The following PTPRG variants were observed in gnomAD, a reference collection of about 807,000 sequenced individuals.
The protein encoded by PTPRG is protein tyrosine phosphatase receptor type G.
Under a neutral mutation model 165.3 loss-of-function variants are expected in PTPRG, and 102 were observed. The ratio of observed to expected loss-of-function variants is 0.62; its 90% CI spans 0.53 to 0.73. The LOEUF (loss-of-function observed/expected upper bound fraction) is 0.73. Among genes scored for constraint, PTPRG ranks in the 30% least tolerant of loss-of-function variants. The pLI is 0.00. For synonymous variants in PTPRG, 675 were observed against 669.5 expected, an observed-to-expected ratio of 1.01 and a Z score of -0.13; for missense variants, 1,866 against 1,861.4, an observed-to-expected ratio of 1.00 and a Z score of -0.05.
chr3:61,636,670 C>G (rs58814661), intron 1 of PTPRG, among the ~76,000 whole-genome samples: 1,621 of 152,326 alleles, frequency 0.011, 26 homozygotes, highest in African/African-American at 0.037. Context: ...AAAGTCCACT[C>G]TATGGATATA....
intron 5 of PTPRG, among the ~76,000 whole-genome samples, chr3:62,114,430 C>T (rs1374847063): frequency 6.6e-6 from 1 of 152,046 alleles, no homozygotes; most frequent in East Asian, 1.9e-4. Flanking sequence ...TGACCATATT[C>T]TCATTAACAC....
At chr3:61,741,400 G>A (rs2032978320) in intron 1 of PTPRG, among the ~76,000 whole-genome samples, 1 of 152,130 alleles carries the variant, frequency 6.6e-6, no homozygotes, top group Non-Finnish European at 1.5e-5. Context: ...ATCACCCTAA[G>A]TAGTTTTCAT....
intron 5 of PTPRG, among the ~76,000 whole-genome samples, chr3:62,105,710 G>A (rs568862397): frequency 2.0e-5 from 3 of 152,280 alleles, no homozygotes; most frequent in African/African-American, 7.2e-5. Flanking sequence ...TTCAGTCTGG[G>A]CAGTTGAGGT....
intron 4 of PTPRG, among the ~76,000 whole-genome samples, chr3:62,049,432 T>G (rs1311311764): frequency 2.6e-5 from 4 of 152,244 alleles, no homozygotes; most frequent in Non-Finnish European, 4.4e-5. Flanking sequence ...CTTTCCCATT[T>G]GAAATATTTC....
rs539187421 is a variant in PTPRG at position 62,182,277 on chromosome 3, A to G, written c.1034-9192A>G. ...CCTGTGTTGTTCAAGGGTCACCTGT[A>G]TTGGTAATCACTGTAATCTAACAGG... is the stretch of plus-strand genomic sequence containing the variant. On this transcript the variant is annotated intron_variant, in intron 8 of 29. Transcript: ENST00000474889. Among the ~76,000 whole-genome samples, 5 of 152,302 alleles carry G rather than the reference A, an allele frequency of 3.3e-5. No homozygotes were observed. In the East Asian group the frequency reaches 7.7e-4, roughly 23 times the overall value.
At chr3:61,831,069 T>A (rs987750560) in intron 2 of PTPRG, among the ~76,000 whole-genome samples, 2 of 152,244 alleles carry the variant, frequency 1.3e-5, no homozygotes, top group African/African-American at 4.8e-5. Flanking sequence ...TTGAGGAATA[T>A]CGGGTCAGTG....
intron 14 of PTPRG, among the ~76,000 whole-genome samples, chr3:62,232,095 C>A (rs985116398): frequency 6.6e-6 from 1 of 152,018 alleles, no homozygotes; most frequent in African/African-American, 2.4e-5. Context: ...TTTCAATGAA[C>A]CAATTTATAG....
intron 6 of PTPRG, among the ~76,000 whole-genome samples, chr3:62,153,931 A>G (rs1345000811): frequency 6.6e-6 from 1 of 152,176 alleles, no homozygotes; most frequent in African/African-American, 2.4e-5. Flanking sequence ...GCCCTGAATG[A>G]TGTTTTCTGC....
At chr3:61,991,153 CTA>C (rs1194189170) in intron 3 of PTPRG, among the ~76,000 whole-genome samples, 2 of 152,138 alleles carry the variant, frequency 1.3e-5, no homozygotes, top group Non-Finnish European at 2.9e-5. Flanking sequence ...CTTGATTCAT[CTA>C]TATGAGTAGC....
At chr3:61,989,077 G>T (rs1559731430) in intron 2 of PTPRG, among the ~76,000 whole-genome samples, 1 of 152,074 alleles carries the variant, frequency 6.6e-6, no homozygotes, top group Non-Finnish European at 1.5e-5. Context: ...GTACAAATGA[G>T]GGCCAAACTG....
chr3:62,012,769 C>G (rs2041458960), intron 4 of PTPRG, among the ~76,000 whole-genome samples: 1 of 152,082 alleles, frequency 6.6e-6, no homozygotes, highest in African/African-American at 2.4e-5. Flanking sequence ...ATTTGGGATG[C>G]TCAATCTGTA....
chr3:62,120,983 C>T lies in PTPRG; in HGVS notation c.616-11619C>T, dbSNP rs1050875778. 4.6e-5 allele frequency among the ~76,000 whole-genome samples: 7 copies of T among 151,816 alleles called. No individual in the cohort carries two copies. The South Asian group carries it at 1.3e-3, about 27-fold the overall frequency. Reference sequence around the variant, plus strand: ...TTTTTCACAAGACAGCCAGCTCTGTCGCCCAGGCTGGAGTGCAGTGGCCCT... The same window carrying T: ...TTTTTCACAAGACAGCCAGCTCTGTTGCCCAGGCTGGAGTGCAGTGGCCCT... On this transcript the variant is annotated intron_variant, in intron 5 of 29. Coordinates refer to ENST00000474889, the MANE Select transcript of PTPRG (RefSeq NM_002841.4).
chr3:62,180,262 T>A (rs1285662057), intron 8 of PTPRG, among the ~76,000 whole-genome samples: 1 of 152,224 alleles, frequency 6.6e-6, no homozygotes, highest in Non-Finnish European at 1.5e-5. Context: ...GGTGTTTGGA[T>A]ACCAGTCTTG....
intron 5 of PTPRG, among the ~76,000 whole-genome samples, chr3:62,093,511 C>A (rs1702012466): frequency 6.6e-6 from 1 of 152,190 alleles, no homozygotes; most frequent in South Asian, 2.1e-4. Context: ...TTTGTCCCAC[C>A]TCATTGGCAC....
At chr3:61,825,675 C>T (rs59191479) in intron 2 of PTPRG, among the ~76,000 whole-genome samples, 5,903 of 151,394 alleles carry the variant, frequency 0.039, 378 homozygotes, top group African/African-American at 0.13. Context: ...GACAGGTTCT[C>T]GCTGTGTCAC....
intron 4 of PTPRG, among the ~76,000 whole-genome samples, chr3:62,035,096 A>C (rs2107790584): frequency 6.6e-6 from 1 of 151,966 alleles, no homozygotes; most frequent in South Asian, 2.1e-4. Flanking sequence ...GAATGGCAAA[A>C]CCCTCCAGTA....
intron 4 of PTPRG, among the ~76,000 whole-genome samples, chr3:62,069,673 C>CTCTG (rs1701139727): frequency 6.8e-6 from 1 of 147,586 alleles, no homozygotes; most frequent in African/African-American, 2.6e-5. Flanking sequence ...CTCTCTCTCT[C>CTCTG]TCTCTCTCTC....
intron 2 of PTPRG, among the ~76,000 whole-genome samples, chr3:61,877,595 A>G (rs769202912): frequency 2.0e-5 from 3 of 152,230 alleles, no homozygotes; most frequent in African/African-American, 7.2e-5. Context: ...GTTTTTGTGT[A>G]TACCCTGGTA....
At chr3:61,650,030 G>GTTTCTCTCAA (rs891297801) in intron 1 of PTPRG, among the ~76,000 whole-genome samples, 2 of 152,082 alleles carry the variant, frequency 1.3e-5, no homozygotes, top group African/African-American at 4.8e-5. Context: ...GGAGTCTCTG[G>GTTTCTCTCAA]TTTCTCTCGA....
Sources: gnomAD v4.1 joint callset for allele counts (sites outside exome capture counted in the v4.1 genomes callset) on GRCh38, gnomAD v4.1.1 for gene constraint, MANE v1.5 for transcripts, NCBI Gene and HGNC (gene_info 2026-07-23, HGNC 2026-07-21) for gene names.